The following IGSF11 variants were observed in gnomAD, a reference collection of about 807,000 sequenced individuals.
IGSF11 encodes CXADR like 1.
In IGSF11, 22 loss-of-function variants were observed where a neutral mutation model predicts 41.0. The ratio of observed to expected loss-of-function variants is 0.54; its 90% CI spans 0.38 to 0.77. The LOEUF (loss-of-function observed/expected upper bound fraction) is 0.77. Ranked by LOEUF, IGSF11 falls within the 30% of genes least tolerant of loss-of-function variation. The pLI is 0.00. For missense variants in IGSF11, 444 were observed against 530.8 expected (o/e 0.84, Z 1.61); for synonymous variants, 219 against 201.3 (o/e 1.09, Z -0.74).
intron 1 of IGSF11, among the ~76,000 whole-genome samples, chr3:119,074,183 G>C (rs1478896964): frequency 6.6e-6 from 1 of 152,076 alleles, no homozygotes; most frequent in Non-Finnish European, 1.5e-5. Flanking sequence ...GACATCTACA[G>C]AACACTCTAC....
intron 1 of IGSF11, among the ~76,000 whole-genome samples, chr3:119,132,004 G>A (rs561360211): frequency 6.6e-6 from 1 of 152,230 alleles, no homozygotes; most frequent in African/African-American, 2.4e-5. Context: ...CAAATGCTGA[G>A]AGATTTTGTC....
At chr3:119,084,619 G>A (rs552510428) in intron 1 of IGSF11, among the ~76,000 whole-genome samples, 7 of 152,292 alleles carry the variant, frequency 4.6e-5, no homozygotes, top group African/African-American at 1.7e-4. Flanking sequence ...CATGGGACTG[G>A]GGCACATCTG....
At chr3:119,068,154 C>T (rs1328040056) in intron 1 of IGSF11, among the ~76,000 whole-genome samples, 1 of 152,192 alleles carries the variant, frequency 6.6e-6, no homozygotes, top group Non-Finnish European at 1.5e-5. Flanking sequence ...ATGTTCCATG[C>T]TGGAGAAAGG....
At chr3:118,914,148 G>C (rs1297530125) in intron 4 of IGSF11, among the ~76,000 whole-genome samples, 1 of 152,094 alleles carries the variant, frequency 6.6e-6, no homozygotes, top group Non-Finnish European at 1.5e-5. Context: ...AACTCTGAAA[G>C]TAGAGGAGAA....
chr3:118,977,605 G>A (rs1934259927), intron 1 of IGSF11, among the ~76,000 whole-genome samples: 1 of 152,206 alleles, frequency 6.6e-6, no homozygotes, highest in Non-Finnish European at 1.5e-5. Flanking sequence ...AGAGGGAAAT[G>A]AGGTAGCCTG....
intron 1 of IGSF11, among the ~76,000 whole-genome samples, chr3:118,975,425 T>C (rs1290069364): frequency 6.6e-6 from 1 of 151,520 alleles, no homozygotes; most frequent in Non-Finnish European, 1.5e-5. Context: ...TTGAATCATA[T>C]ACTTCCACAA....
intron 1 of IGSF11, among the ~76,000 whole-genome samples, chr3:119,014,951 T>A (rs1442881678): frequency 6.6e-6 from 1 of 152,194 alleles, no homozygotes; most frequent in Non-Finnish European, 1.5e-5. Flanking sequence ...AAAAAGTGTA[T>A]GAGTCATATA....
intron 1 of IGSF11, among the ~76,000 whole-genome samples, chr3:119,013,431 C>T (rs1938356764): frequency 6.6e-6 from 1 of 152,172 alleles, no homozygotes; most frequent in Non-Finnish European, 1.5e-5. Flanking sequence ...TTTTTTATGT[C>T]CCTGGATCCC....
At chr3:119,115,234 A>C (rs1427629380) in intron 1 of IGSF11, among the ~76,000 whole-genome samples, 3 of 152,208 alleles carry the variant, frequency 2.0e-5, no homozygotes, top group Non-Finnish European at 4.4e-5. Context: ...TCTTTGATAC[A>C]TTGGGTTTCC....
chr3:119,125,624 A>T (rs915176882), intron 1 of IGSF11, among the ~76,000 whole-genome samples: 4 of 152,188 alleles, frequency 2.6e-5, no homozygotes, highest in African/African-American at 9.7e-5. Context: ...GGGGAATGTC[A>T]CGATGGCCTG....
intron 4 of IGSF11, among the ~76,000 whole-genome samples, chr3:118,909,340 T>A (rs1408986744): frequency 6.6e-6 from 1 of 152,126 alleles, no homozygotes; most frequent in Non-Finnish European, 1.5e-5. Flanking sequence ...GTTATTTGAA[T>A]GAATATGTTA....
intron 1 of IGSF11, among the ~76,000 whole-genome samples, chr3:119,065,125 A>T (rs1329409666): frequency 6.6e-6 from 1 of 152,214 alleles, no homozygotes; most frequent in Admixed American, 6.5e-5. Flanking sequence ...TTTTCAAGTG[A>T]TGTATCACAT....
intron 1 of IGSF11, among the ~76,000 whole-genome samples, chr3:119,067,207 G>T (rs1942260219): frequency 6.6e-6 from 1 of 152,292 alleles, no homozygotes; most frequent in South Asian, 2.1e-4. Flanking sequence ...TAGCGTATAG[G>T]ATGAGTGGTT....
At chr3:119,127,536 T>C (rs535769354) in intron 1 of IGSF11, among the ~76,000 whole-genome samples, 1 of 151,734 alleles carries the variant, frequency 6.6e-6, no homozygotes, top group Non-Finnish European at 1.5e-5. Context: ...AACATGCAAA[T>C]TCAGGAAATA....
chr3:119,017,863 A>G (rs1642964198), intron 1 of IGSF11, among the ~76,000 whole-genome samples: 2 of 143,640 alleles, frequency 1.4e-5, no homozygotes, highest in Non-Finnish European at 3.0e-5. Flanking sequence ...GCTCACTGCA[A>G]CCTCTGCCTC....
chr3:119,065,015 G>A (rs1435175910), intron 1 of IGSF11, among the ~76,000 whole-genome samples: 1 of 151,740 alleles, frequency 6.6e-6, no homozygotes, highest in East Asian at 1.9e-4. Context: ...TTGCCTTATT[G>A]TACTTCCTGA....
At chr3:118,928,763 T>C in intron 2 of IGSF11, 47 bp from the exon 3 acceptor site, 2 of 1,375,970 alleles carry the variant, frequency 1.5e-6, no homozygotes, top group Non-Finnish European at 2.0e-6. Flanking sequence ...TATCCTCTCC[T>C]AGACACAAAA....
intron 6 of IGSF11, 101 bp downstream of exon 6, chr3:118,904,547 C>T: frequency 1.2e-6 from 1 of 842,072 alleles, no homozygotes. Flanking sequence ...TAGTCTCGGC[C>T]ATCAGAGTTT....
intron 1 of IGSF11, among the ~76,000 whole-genome samples, chr3:119,132,610 C>A (rs551256729): frequency 6.6e-6 from 1 of 151,994 alleles, no homozygotes; most frequent in Non-Finnish European, 1.5e-5. Context: ...TAGACTCCCG[C>A]ATAATAATAA....
Sources: gnomAD v4.1 joint callset for allele counts (sites outside exome capture counted in the v4.1 genomes callset) on GRCh38, gnomAD v4.1.1 for gene constraint, MANE v1.5 for transcripts, NCBI Gene and HGNC (gene_info 2026-07-23, HGNC 2026-07-21) for gene names.